ENPEP: variants seen among roughly 807,000 people sequenced by gnomAD.
The protein encoded by ENPEP is glutamyl aminopeptidase.
In ENPEP, 103 loss-of-function variants were observed where a neutral mutation model predicts 114.5. The observed-to-expected ratio is 0.90, with a 90% CI of 0.77 to 1.06. The LOEUF is 1.06. Among genes scored for constraint, ENPEP ranks in the 50% least tolerant of loss-of-function variants. The pLI is 0.00. For synonymous variants in ENPEP, 420 were observed against 422.0 expected (o/e 1.00, Z 0.06); for missense variants, 1,196 against 1,161.3 (o/e 1.03, Z -0.43).
At chr4:110,529,548 G>T (rs1205596378) in intron 10 of ENPEP, among the ~76,000 whole-genome samples, 1 of 152,170 alleles carries the variant, frequency 6.6e-6, no homozygotes, top group Admixed American at 6.5e-5. Context: ...ACTTAGTCCT[G>T]CAGGAAAGTC....
chr4:110,541,601 A>G (rs1202393768), intron 11 of ENPEP, among the ~76,000 whole-genome samples: 1 of 152,042 alleles, frequency 6.6e-6, no homozygotes, highest in Non-Finnish European at 1.5e-5. Flanking sequence ...CCACTATTGA[A>G]ATCTTTCCAG....
chr4:110,518,820 G>T (rs1725876804), intron 8 of ENPEP, among the ~76,000 whole-genome samples: 1 of 152,048 alleles, frequency 6.6e-6, no homozygotes, highest in Non-Finnish European at 1.5e-5. Context: ...ACGATTGCAT[G>T]GTTCTAAGCT....
chr4:110,536,652 C>T (rs528225256), intron 11 of ENPEP, among the ~76,000 whole-genome samples: 2 of 152,320 alleles, frequency 1.3e-5, no homozygotes, highest in East Asian at 3.9e-4. Context: ...GCCTGAAACA[C>T]ATGTTCCAGC....
chr4:110,538,645 A>G (rs1304894407), intron 11 of ENPEP, among the ~76,000 whole-genome samples: 1 of 152,148 alleles, frequency 6.6e-6, no homozygotes, highest in Non-Finnish European at 1.5e-5. Context: ...TATGTTTAGA[A>G]CTTGGCTAAC....
chr4:110,479,553 C>T (rs1344363257), intron 1 of ENPEP, among the ~76,000 whole-genome samples: 2 of 152,094 alleles, frequency 1.3e-5, no homozygotes, highest in African/African-American at 2.4e-5. Flanking sequence ...TCCAAACTGA[C>T]TTCCAAAAAA....
Position 110,559,707 on chromosome 4 carries a change from T to C in ENPEP, c.2703T>C (p.Thr901=). 1 of 1,613,610 alleles carries C rather than the reference T, an allele frequency of 6.2e-7. No individual in the cohort carries two copies. The highest frequency in any genetic ancestry group is 8.5e-7 in the Non-Finnish European group (1 of 1,179,560). The change falls in exon 19 of 20, where the codon ACT becomes ACC. Residue 901 remains threonine (T), a synonymous_variant. Coordinates refer to ENST00000265162, the MANE Select transcript of ENPEP (RefSeq NM_001977.4). ...TCACAATAGCAGAGCCATTCAACAC[T>C]GAACTGCAACTGTGGCAGGTATGAA... ...RIVTIAEPFN[T]ELQLWQMESF...
At chr4:110,516,983 G>T (rs542758764) in intron 8 of ENPEP, among the ~76,000 whole-genome samples, 118 of 152,004 alleles carry the variant, frequency 7.8e-4, no homozygotes, top group African/African-American at 2.7e-3. Flanking sequence ...TCGCTCTGTC[G>T]CCAAGGCTGG....
At chr4:110,533,420 CAA>C (rs33956210) in intron 11 of ENPEP, 42,137 of 121,256 alleles carry the variant, frequency 0.35, 6,138 homozygotes, top group Non-Finnish European at 0.39. Flanking sequence ...AGTGCTGGAG[CAA>C]AAAAAAAAAA....
rs371805680 is a variant in ENPEP at position 110,476,810 on chromosome 4, G to A, written c.396G>A (p.Leu132=). 1.6e-5 allele frequency: 26 copies of A among 1,614,060 alleles called. No homozygotes were observed. The African/African-American group carries it at 2.4e-4, about 15-fold the overall frequency. Residue 132 remains leucine (L), a synonymous_variant, in exon 1 of 20, where the codon CTG becomes CTA. Coordinates refer to ENST00000265162, the MANE Select transcript of ENPEP (RefSeq NM_001977.4). ...ACCTGAGCGCTCCCACCCGGTACCTGTGGCTGCACCTCCGGGAGACCAGGA... is the reference window on the plus strand; with the variant it reads ...ACCTGAGCGCTCCCACCCGGTACCTATGGCTGCACCTCCGGGAGACCAGGA... ...SINLSAPTRY[L]WLHLRETRIT...
intron 10 of ENPEP, among the ~76,000 whole-genome samples, chr4:110,524,593 A>T (rs1361799525): frequency 6.6e-6 from 1 of 152,186 alleles, no homozygotes; most frequent in Non-Finnish European, 1.5e-5. Flanking sequence ...TTAAAACTCA[A>T]ATATAGTGTA....
At chr4:110,504,222 G>A (rs1283321086) in intron 3 of ENPEP, among the ~76,000 whole-genome samples, 1 of 152,170 alleles carries the variant, frequency 6.6e-6, no homozygotes, top group Non-Finnish European at 1.5e-5. Context: ...GGGGTCAGGT[G>A]GTTGTATTGT....
intron 8 of ENPEP, among the ~76,000 whole-genome samples, chr4:110,517,525 T>C (rs1223137722): frequency 6.6e-6 from 1 of 152,232 alleles, no homozygotes; most frequent in Non-Finnish European, 1.5e-5. Flanking sequence ...ATCTTTCATA[T>C]TGACTTTGAT....
rs1423048778 is a variant in ENPEP at position 110,562,877 on chromosome 4, G to C, written c.*1319G>C. The stretch of plus-strand genomic sequence containing the variant: ...TAGAATCGGCTTGATGAGAATTGAA[G>C]CATATGGAAACAAAACCTTAGCTTT... On this transcript the variant is annotated 3_prime_UTR_variant, in exon 20 of 20. Transcript: ENST00000265162. 6.6e-6 allele frequency: 1 copy of C among 152,082 alleles called. No homozygotes were observed. 9.4% of individuals were successfully genotyped at this position (152,082 alleles called of 1,614,324 possible).
At chr4:110,515,886 G>C (rs1725746612) in intron 8 of ENPEP, 1 of 236,064 alleles carries the variant, frequency 4.2e-6, no homozygotes, top group South Asian at 4.7e-5. Flanking sequence ...CCTCATAGCA[G>C]AGAGAGAGAG....
chr4:110,561,698 C>A lies in ENPEP; in HGVS notation c.*140C>A. ...CTAAGCACTGTGTTTATATGTCTTG[C>A]AAAGCCTTTAAATTGTTCCTCTTTG... On this transcript the variant is annotated 3_prime_UTR_variant, in exon 20 of 20. Transcript: ENST00000265162. 1.3e-6 allele frequency: 1 copy of A among 768,512 alleles called. No homozygotes were observed. The highest frequency in any genetic ancestry group is 2.0e-6 in the Non-Finnish European group (1 of 496,216). The allele number at this position is 768,512 out of a possible 1,614,324, so 47.6% of individuals were successfully genotyped here. A position where few individuals can be genotyped will look rare whatever the true frequency, so the allele number is the denominator to read the frequency against.
chr4:110,538,325 A>G (rs1726720224), intron 11 of ENPEP, among the ~76,000 whole-genome samples: 3 of 152,168 alleles, frequency 2.0e-5, no homozygotes, highest in Admixed American at 2.0e-4. Context: ...TTCTATATCA[A>G]CACTTGCTGC....
chr4:110,511,753 A>T (rs866568263), intron 6 of ENPEP, among the ~76,000 whole-genome samples: 36 of 147,666 alleles, frequency 2.4e-4, no homozygotes, highest in Middle Eastern at 3.5e-3. Flanking sequence ...TCATCTATTC[A>T]TTCATTCCTT....
Position 110,476,861 on chromosome 4 carries a change from GC to G in ENPEP, c.450del (p.Ser151LeufsTer38). The G allele has an allele frequency of 6.2e-7, 1 of 1,614,120 alleles. No homozygotes were observed. Among genetic ancestry groups the G allele is most frequent in the Non-Finnish European group, 8.5e-7 (1 of 1,180,020 alleles). On this transcript the variant is annotated frameshift_variant, in exon 1 of 20. Transcript: ENST00000265162. LOFTEE classifies it high-confidence loss of function. ...TCACCCGGCTCCCGGAGCTGAAGAGGCCCTCTGGGGACCAGGTGCAAGTCCG... is the reference window on the plus strand; with the variant it reads ...TCACCCGGCTCCCGGAGCTGAAGAGGCCTCTGGGGACCAGGTGCAAGTCCG... ...RITRLPELKR[P>X]SGDQVQVRRC...
At chr4:110,509,523 C>T in intron 4 of ENPEP, 130 bp from the exon 5 acceptor site, 1 of 1,195,568 alleles carries the variant, frequency 8.4e-7, no homozygotes, top group Non-Finnish European at 1.1e-6. Flanking sequence ...CACATGATTA[C>T]AGTTCTTTAC....
Sources: gnomAD v4.1 joint callset for allele counts (sites outside exome capture counted in the v4.1 genomes callset) on GRCh38, gnomAD v4.1.1 for gene constraint, MANE v1.5 for transcripts, NCBI Gene and HGNC (gene_info 2026-07-23, HGNC 2026-07-21) for gene names.